Variants in PDE4DIP observed in about 807,000 individuals in gnomAD.
PDE4DIP encodes phosphodiesterase 4D interacting protein.
PDE4DIP carries 59 observed loss-of-function variants against 221.4 expected under a neutral mutation model. The observed-to-expected ratio is 0.27, with a 90% CI of 0.22 to 0.33. PDE4DIP has a LOEUF of 0.33. PDE4DIP is among the 10% of genes least tolerant of loss of function. The pLI, the probability that PDE4DIP is intolerant of heterozygous loss-of-function variation, is 1.00. For synonymous variants in PDE4DIP, 404 were observed against 815.9 expected, an observed-to-expected ratio of 0.50 and a Z score of 8.60; for missense variants, 1,036 against 2,154.2, an observed-to-expected ratio of 0.48 and a Z score of 10.28.
chr1:148,979,839 C>T (rs1192969267), exon 20 of PDE4DIP: 1 of 1,612,872 alleles, frequency 6.2e-7, no homozygotes, highest in African/African-American at 1.3e-5. Context: ...GTTCCATGCC[C>T]ATCCAGAGAG....
intron 21 of PDE4DIP, among the ~76,000 whole-genome samples, chr1:148,986,828 A>T (rs1423758949): frequency 1.3e-5 from 2 of 152,200 alleles, no homozygotes; most frequent in Non-Finnish European, 2.9e-5. Context: ...TCCTAGAAAA[A>T]CCTATTTCTC....
intron 1 of PDE4DIP, among the ~76,000 whole-genome samples, chr1:148,859,956 T>C (rs12068967): frequency 1.1e-5 from 1 of 88,956 alleles, no homozygotes; most frequent in Non-Finnish European, 2.3e-5. Context: ...CTGTGTTTCT[T>C]CAGTCTGAGC....
chr1:149,021,528 C>T (rs2072927545), intron 37 of PDE4DIP: 1 of 160,590 alleles, frequency 6.2e-6, no homozygotes. Flanking sequence ...AGGCAGTCCG[C>T]TCCCACCCTG....
intron 40 of PDE4DIP, among the ~76,000 whole-genome samples, chr1:149,028,218 T>A (rs2075730799): frequency 6.6e-6 from 1 of 150,890 alleles, no homozygotes; most frequent in South Asian, 2.1e-4. Flanking sequence ...CCCAAGTAGA[T>A]AAGCACAGTA....
intron 4 of PDE4DIP, among the ~76,000 whole-genome samples, chr1:148,932,902 A>T (rs1309777195): frequency 5.3e-5 from 8 of 152,162 alleles, no homozygotes; most frequent in African/African-American, 1.4e-4. Context: ...TGGGATTAAT[A>T]CGCTTGTAAA....
chr1:149,021,387 A>G (rs1402822092), intron 37 of PDE4DIP: 1 of 470,322 alleles, frequency 2.1e-6, no homozygotes, highest in African/African-American at 1.9e-5. Flanking sequence ...AAGAAAATCT[A>G]GACATTCCTA....
Position 149,009,871 on chromosome 1 carries a change from A to G in PDE4DIP, c.4927+80A>G, listed in dbSNP as rs1436203034. On this transcript the variant is annotated intron_variant, in intron 30 of 43. Coordinates refer to ENST00000369354, the Ensembl canonical transcript of PDE4DIP. Reference sequence around the variant, plus strand: ...AGGAAACAGGGCTTATAGCTCCACCATGGTGTGTATCAGGCTGAACATGGC... The same window carrying G: ...AGGAAACAGGGCTTATAGCTCCACCGTGGTGTGTATCAGGCTGAACATGGC... The G allele has an allele frequency of 8.6e-6, 9 of 1,048,784 alleles. No homozygotes were observed. The East Asian group carries it at 1.7e-4, about 19-fold the overall frequency. The allele number at this position is 1,048,784 out of a possible 1,614,324, so 65.0% of individuals were successfully genotyped here.
At chr1:148,948,956 C>T (rs1478186403) in intron 5 of PDE4DIP, among the ~76,000 whole-genome samples, 1 of 152,120 alleles carries the variant, frequency 6.6e-6, no homozygotes, top group Non-Finnish European at 1.5e-5. Flanking sequence ...GGCTGTAGAC[C>T]TGTTGTCAGA....
intron 27 of PDE4DIP, among the ~76,000 whole-genome samples, chr1:149,006,067 A>T (rs1575228648): frequency 6.6e-6 from 1 of 152,172 alleles, no homozygotes; most frequent in South Asian, 2.1e-4. Context: ...TGGCAGGTGG[A>T]GGTTGCAGTG....
intron 23 of PDE4DIP, among the ~76,000 whole-genome samples, chr1:149,000,752 A>G (rs1553574538): frequency 6.6e-6 from 1 of 151,288 alleles, no homozygotes; most frequent in African/African-American, 2.4e-5. Context: ...CATACCGTAT[A>G]TGCAATTTCA....
intron 9 of PDE4DIP, among the ~76,000 whole-genome samples, chr1:148,963,187 C>A (rs868960112): frequency 2.0e-5 from 3 of 152,160 alleles, no homozygotes; most frequent in Non-Finnish European, 4.4e-5. Flanking sequence ...TGTTATAATT[C>A]TTCTATTTTA....
intron 17 of PDE4DIP, among the ~76,000 whole-genome samples, chr1:148,976,834 G>A (rs1392272130): frequency 6.6e-6 from 1 of 152,008 alleles, no homozygotes; most frequent in Non-Finnish European, 1.5e-5. Flanking sequence ...CAGGCAAAGG[G>A]AGTAGTTGTA....
exon 44 of PDE4DIP, chr1:149,032,193 C>T (rs587646970): frequency 1.2e-4 from 114 of 931,696 alleles, no homozygotes; most frequent in Middle Eastern, 3.2e-4. Context: ...GCCTTTCTGA[C>T]GGCTATGGAA....
At chr1:148,980,672 T>C (rs375281789) in intron 20 of PDE4DIP, among the ~76,000 whole-genome samples, 4 of 152,120 alleles carry the variant, frequency 2.6e-5, no homozygotes, top group African/African-American at 9.7e-5. Context: ...GCTATTCAGT[T>C]TCTTGTAATT....
At chr1:148,832,689 A>G (rs1302366901) in intron 1 of PDE4DIP, among the ~76,000 whole-genome samples, 1 of 151,948 alleles carries the variant, frequency 6.6e-6, no homozygotes, top group Non-Finnish European at 1.5e-5. Flanking sequence ...TATTGAGATA[A>G]TCATATGGTT....
intron 9 of PDE4DIP, among the ~76,000 whole-genome samples, chr1:148,963,028 G>A (rs1377407472): frequency 2.6e-5 from 4 of 152,090 alleles, no homozygotes; most frequent in Non-Finnish European, 4.4e-5. Flanking sequence ...GAGTAGCTGG[G>A]ACTACAGGCG....
At chr1:148,906,611 CT>C (rs1298749792) in intron 1 of PDE4DIP, among the ~76,000 whole-genome samples, 1 of 27,144 alleles carries the variant, frequency 3.7e-5, no homozygotes, top group African/African-American at 1.8e-4. Context: ...TATCTCATTT[CT>C]TAGGTCTATT....
chr1:148,984,819 A>G (rs1213079739), intron 21 of PDE4DIP: 1 of 152,130 alleles, frequency 6.6e-6, no homozygotes, highest in Non-Finnish European at 1.5e-5. Flanking sequence ...TTCTTGAGGT[A>G]GTATTAGAAA....
chr1:148,977,618 C>T (rs1376046077), intron 17 of PDE4DIP, among the ~76,000 whole-genome samples: 2 of 151,684 alleles, frequency 1.3e-5, no homozygotes, highest in Non-Finnish European at 2.9e-5. Flanking sequence ...TGAAGTTTTA[C>T]TTACATAAAA....
Sources: gnomAD v4.1 joint callset for allele counts (sites outside exome capture counted in the v4.1 genomes callset) on GRCh38, gnomAD v4.1.1 for gene constraint, MANE v1.5 for transcripts, NCBI Gene and HGNC (gene_info 2026-07-23, HGNC 2026-07-21) for gene names.